Variants in RAD51B observed in about 807,000 individuals in gnomAD.
The protein encoded by RAD51B is RAD51 paralog B.
A neutral mutation model predicts 42.2 loss-of-function variants in RAD51B; 38 were observed. That is an observed-to-expected ratio of 0.90 (90% CI 0.70 to 1.18). The LOEUF is 1.18. Ranked by LOEUF, RAD51B falls within the 50% of genes most tolerant of loss-of-function variation. The probability of loss-of-function intolerance (pLI) is 0.00; values close to 1 mark genes in which losing one functional copy is unlikely to be tolerated. For synonymous variants in RAD51B, 154 were observed against 145.2 expected (o/e 1.06, Z -0.43); for missense variants, 373 against 400.7 (o/e 0.93, Z 0.59).
chr14:68,593,639 C>CCTGGGCTGGCTGAAAGTGGGGAATGTAT (rs1890855397), intron 10 of RAD51B, among the ~76,000 whole-genome samples: 2 of 152,164 alleles, frequency 1.3e-5, no homozygotes, highest in Non-Finnish European at 2.9e-5. Context: ...GTGCCTGGCA[C>CCTGGGCTGGCTGAAAGTGGGGAATGTAT]CTGGGCTGGC....
chr14:68,103,860 T>A (rs2077332215), intron 7 of RAD51B, among the ~76,000 whole-genome samples: 1 of 152,212 alleles, frequency 6.6e-6, no homozygotes, highest in Non-Finnish European at 1.5e-5. Flanking sequence ...GAAATGTAAT[T>A]ACTGCTGTAA....
At chr14:67,847,651 G>A (rs948964638) in intron 4 of RAD51B, among the ~76,000 whole-genome samples, 5 of 152,148 alleles carry the variant, frequency 3.3e-5, no homozygotes, top group African/African-American at 4.8e-5. Context: ...TGTGCTTGAT[G>A]TGATTTCGAT....
chr14:68,585,116 C>G (rs138164265), intron 10 of RAD51B, among the ~76,000 whole-genome samples: 2 of 152,302 alleles, frequency 1.3e-5, no homozygotes, highest in Non-Finnish European at 2.9e-5. Flanking sequence ...TTCCCATTTT[C>G]TGGCAGGACA....
chr14:68,447,753 A>G (rs753807352), intron 9 of RAD51B, among the ~76,000 whole-genome samples: 21 of 151,912 alleles, frequency 1.4e-4, no homozygotes, highest in Admixed American at 2.0e-4. Flanking sequence ...TAAACCACAT[A>G]TTAAGCTTGA....
At chr14:68,459,940 T>C (rs117111664) in intron 9 of RAD51B, among the ~76,000 whole-genome samples, 213 of 152,164 alleles carry the variant, frequency 1.4e-3, no homozygotes, top group Non-Finnish European at 2.1e-3. Flanking sequence ...GGGAAGGAAA[T>C]AGAAGAGAGG....
At chr14:68,488,631 CT>C (rs778791912) in intron 10 of RAD51B, among the ~76,000 whole-genome samples, 193 of 152,358 alleles carry the variant, frequency 1.3e-3, no homozygotes, top group Middle Eastern at 3.4e-3. Flanking sequence ...GGGAATCCCC[CT>C]AGCCTTGGTG....
intron 5 of RAD51B, among the ~76,000 whole-genome samples, chr14:67,879,405 G>C (rs1028299136): frequency 6.6e-6 from 1 of 151,986 alleles, no homozygotes; most frequent in Non-Finnish European, 1.5e-5. Flanking sequence ...GACTAGCCAA[G>C]TTGACACAAA....
chr14:68,259,466 A>C (rs559744520), intron 7 of RAD51B, among the ~76,000 whole-genome samples: 9 of 152,160 alleles, frequency 5.9e-5, no homozygotes, highest in Non-Finnish European at 1.0e-4. Context: ...ATAAAATAAA[A>C]ATAAATAAAC....
chr14:68,592,035 A>G (rs559745779), intron 10 of RAD51B, among the ~76,000 whole-genome samples: 1 of 152,240 alleles, frequency 6.6e-6, no homozygotes, highest in East Asian at 1.9e-4. Flanking sequence ...CTGTCCTCTG[A>G]TAGTCCTACT....
chr14:68,094,748 T>G (rs1464806595), intron 7 of RAD51B, among the ~76,000 whole-genome samples: 4 of 152,196 alleles, frequency 2.6e-5, no homozygotes, highest in Non-Finnish European at 1.5e-5. Context: ...AGAGATGACC[T>G]CCTAATAGGT....
At chr14:68,158,409 A>G (rs1227761624) in intron 7 of RAD51B, among the ~76,000 whole-genome samples, 4 of 152,192 alleles carry the variant, frequency 2.6e-5, no homozygotes, top group African/African-American at 7.2e-5. Flanking sequence ...CCGAACTGTA[A>G]TTGTTCAATT....
chr14:68,193,213 T>C (rs904397581), intron 7 of RAD51B, among the ~76,000 whole-genome samples: 4 of 152,138 alleles, frequency 2.6e-5, no homozygotes, highest in Non-Finnish European at 5.9e-5. Context: ...TCATCTCCAT[T>C]ACAATACTTG....
At chr14:68,321,651 G>A (rs2082159424) in intron 8 of RAD51B, among the ~76,000 whole-genome samples, 1 of 152,166 alleles carries the variant, frequency 6.6e-6, no homozygotes, top group African/African-American at 2.4e-5. Flanking sequence ...TAAACTCTGA[G>A]CTTCTGTTGC....
At chr14:67,987,034 C>T (rs2075206415) in intron 7 of RAD51B, among the ~76,000 whole-genome samples, 1 of 151,946 alleles carries the variant, frequency 6.6e-6, no homozygotes, top group Admixed American at 6.6e-5. Context: ...GCCTGGCCCC[C>T]TTCAGTCTAT....
intron 8 of RAD51B, among the ~76,000 whole-genome samples, chr14:68,302,975 T>C (rs968698160): frequency 1.3e-5 from 2 of 152,242 alleles, no homozygotes; most frequent in African/African-American, 4.8e-5. Context: ...ATGGCCAGTT[T>C]TGGGGCCAGT....
chr14:68,405,586 C>G (rs2084248348), intron 8 of RAD51B, among the ~76,000 whole-genome samples: 1 of 152,128 alleles, frequency 6.6e-6, no homozygotes. Flanking sequence ...TACAGTCAAG[C>G]TTGCTCACTC....
intron 7 of RAD51B, among the ~76,000 whole-genome samples, chr14:68,133,842 T>C (rs2077953013): frequency 6.6e-6 from 1 of 152,130 alleles, no homozygotes; most frequent in South Asian, 2.1e-4. Context: ...AATTATATAT[T>C]CATAGCAAGG....
intron 4 of RAD51B, among the ~76,000 whole-genome samples, chr14:67,854,680 C>T (rs1389204838): frequency 1.4e-5 from 2 of 143,150 alleles, no homozygotes; most frequent in Non-Finnish European, 3.0e-5. Context: ...AAGGTATTTT[C>T]AGCTAGGTGT....
intron 7 of RAD51B, among the ~76,000 whole-genome samples, chr14:67,917,399 A>G (rs2044189686): frequency 6.6e-6 from 1 of 152,148 alleles, no homozygotes; most frequent in Admixed American, 6.5e-5. Flanking sequence ...GAGAGAGAGT[A>G]GAGGGTGAGG....
Sources: allele counts gnomAD v4.1 joint callset (sites outside exome capture counted in the v4.1 genomes callset), GRCh38; gene constraint gnomAD v4.1.1; transcripts MANE v1.5; gene names NCBI Gene and HGNC (gene_info 2026-07-23, HGNC 2026-07-21).